Variants in CCNT1 observed in about 807,000 individuals in gnomAD.
The protein encoded by CCNT1 is cyclin T1.
A neutral mutation model predicts 67.3 loss-of-function variants in CCNT1; 18 were observed. The observed-to-expected ratio is 0.27, with a 90% CI of 0.18 to 0.40. CCNT1 has a LOEUF of 0.40. Ranked by LOEUF, CCNT1 falls within the 10% of genes least tolerant of loss-of-function variation. The pLI, the probability that CCNT1 is intolerant of heterozygous loss-of-function variation, is 1.00. For missense variants in CCNT1, 744 were observed against 884.9 expected, an observed-to-expected ratio of 0.84 and a Z score of 2.02; for synonymous variants, 333 against 310.3, an observed-to-expected ratio of 1.07 and a Z score of -0.77.
At chr12:48,697,448 G>A (rs188485767) in intron 6 of CCNT1, among the ~76,000 whole-genome samples, 265 of 150,598 alleles carry the variant, frequency 1.8e-3, no homozygotes, top group Non-Finnish European at 2.6e-3. Flanking sequence ...ACTTGAACCC[G>A]GGAGGCAGAG....
intron 3 of CCNT1, among the ~76,000 whole-genome samples, chr12:48,703,538 A>G (rs1431359020): frequency 1.3e-5 from 2 of 152,042 alleles, no homozygotes; most frequent in South Asian, 4.2e-4. Flanking sequence ...GCACCATTGC[A>G]CTCAATCCTG....
chr12:48,713,018 A>C (rs1460217041), intron 2 of CCNT1, among the ~76,000 whole-genome samples: 14 of 152,202 alleles, frequency 9.2e-5, no homozygotes. Flanking sequence ...AAGTAAATAC[A>C]GTCCTTCCTA....
intron 3 of CCNT1, among the ~76,000 whole-genome samples, chr12:48,703,710 G>A (rs188817334): frequency 3.8e-4 from 58 of 152,188 alleles, no homozygotes; most frequent in Non-Finnish European, 7.8e-4. Flanking sequence ...CAAGGTGGGC[G>A]AATTACTTGA....
In CCNT1 at chr12:48,691,453, G is replaced by C. The variant is rs921592195; in HGVS notation, c.*1580C>G. 6 of 152,146 alleles carry C rather than the reference G, an allele frequency of 3.9e-5. No homozygotes were observed. The East Asian group carries it at 1.2e-3, about 29-fold the overall frequency. 9.4% of individuals were successfully genotyped at this position (152,146 alleles called of 1,614,324 possible). A position where few individuals can be genotyped will look rare whatever the true frequency, so the allele number is the denominator to read the frequency against. The stretch of plus-strand genomic sequence containing the variant: ...TCCAGAGCAAAAAAAATGCAATGAA[G>C]ATCAAAGAATATCTCATTAAATGAT... On this transcript the variant is annotated 3_prime_UTR_variant, in exon 9 of 9. Transcript: ENST00000261900.
At chr12:48,701,991 G>C (rs1010765948) in intron 3 of CCNT1, among the ~76,000 whole-genome samples, 1 of 151,078 alleles carries the variant, frequency 6.6e-6, no homozygotes, top group Non-Finnish European at 1.5e-5. Context: ...CTGCCTCCCA[G>C]GTTCAAGCGA....
chr12:48,702,492 A>G lies in CCNT1; in HGVS notation c.373-1419T>C, dbSNP rs79009863. 5.9e-3 allele frequency among the ~76,000 whole-genome samples: 892 copies of G among 152,372 alleles called. 8 individuals are homozygous for G. Among genetic ancestry groups the G allele is most frequent in the African/African-American group, 0.02 (814 of 41,584 alleles). ...CACTGGATTTTTTAGACAGTTAAAA[A>G]ATAAAGAATGGGCCGGGTGCGGTGG... On this transcript the variant is annotated intron_variant, in intron 3 of 8. Coordinates refer to ENST00000261900, the MANE Select transcript of CCNT1 (RefSeq NM_001240.4).
intron 3 of CCNT1, among the ~76,000 whole-genome samples, chr12:48,705,133 G>A (rs1940334719): frequency 6.6e-6 from 1 of 152,090 alleles, no homozygotes; most frequent in Non-Finnish European, 1.5e-5. Flanking sequence ...TATGTGTTTT[G>A]TTTTTCAGAC....
intron 2 of CCNT1, among the ~76,000 whole-genome samples, chr12:48,711,597 T>C (rs1186654307): frequency 6.6e-6 from 1 of 152,066 alleles, no homozygotes; most frequent in African/African-American, 2.4e-5. Flanking sequence ...CTCTTCAAAT[T>C]TCACTTTTTA....
In CCNT1 at chr12:48,694,222, C is replaced by A. The variant is rs775789988; in HGVS notation, c.992G>T (p.Gly331Val). The A allele has an allele frequency of 1.9e-6, 3 of 1,614,144 alleles. No homozygotes were observed. Among genetic ancestry groups the A allele is most frequent in the Non-Finnish European group, 2.5e-6 (3 of 1,180,010 alleles). ...AGGTTGGGAGGACAGCCAACGCTTG[C>A]CCGGCAACATCTCCACACTGGTTAA... is the stretch of plus-strand genomic sequence containing the variant. ...SNLTSVEMLP[G>V]KRWLSSQPSF... Residue 331 changes from glycine (G) to valine (V), a missense_variant, in exon 9 of 9, where the codon GGC becomes GTC. Physicochemically the swap from Gly to Val is moderately radical, Grantham distance 109 (BLOSUM62 -3). Around this residue, in one of 3 missense-constraint regions of CCNT1, gnomAD observed 564 missense variants for 574.2 expected, o/e 0.98. Transcript: ENST00000261900.
intron 2 of CCNT1, among the ~76,000 whole-genome samples, chr12:48,711,817 G>C (rs1329217758): frequency 1.3e-5 from 2 of 152,172 alleles, no homozygotes; most frequent in Non-Finnish European, 2.9e-5. Flanking sequence ...TTTTGAGACG[G>C]AGTCTCATTC....
At chr12:48,708,715 T>C (rs1940403798) in intron 2 of CCNT1, among the ~76,000 whole-genome samples, 1 of 152,160 alleles carries the variant, frequency 6.6e-6, no homozygotes, top group Non-Finnish European at 1.5e-5. Flanking sequence ...AACAGGATTA[T>C]CTCTTTATTT....
chr12:48,693,112 C>A lies in CCNT1; in HGVS notation c.2102G>T (p.Arg701Ile). Residue 701 changes from arginine (R) to isoleucine (I), a missense_variant, in exon 9 of 9, where the codon AGA becomes ATA. Coordinates refer to ENST00000261900, the MANE Select transcript of CCNT1 (RefSeq NM_001240.4). Reference protein sequence around the residue: ...LNPRSGGISSRSGNTDKPRPP... With the variant: ...LNPRSGGISSISGNTDKPRPP... The stretch of plus-strand genomic sequence containing the variant: ...CCGGGGTTTGTCTGTATTGCCAGAT[C>A]TCGAGGAGATTCCACCAGACCGAGG... The A allele has an allele frequency of 3.1e-6, 5 of 1,613,966 alleles. No homozygotes were observed. Among genetic ancestry groups the A allele is most frequent in the African/African-American group, 1.3e-5 (1 of 74,970 alleles).
rs745526148 is a variant in CCNT1 at position 48,705,773 on chromosome 12, T to G, written c.367A>C (p.Ser123Arg). 1 of 1,608,312 alleles carries G rather than the reference T, an allele frequency of 6.2e-7. No homozygotes were observed. Among genetic ancestry groups the G allele is most frequent in the Non-Finnish European group, 8.5e-7 (1 of 1,178,028 alleles). The change falls in exon 3 of 9, where the codon AGT becomes CGT. Residue 123 changes from serine (S) to arginine (R), a missense_variant. Physicochemically the swap from Ser to Arg is moderately radical, Grantham distance 110. Transcript: ENST00000261900. ...HPQESLPDTR[S>R]EAYLQQVQDL... ...ATGTGTAATTAATCTCCTACCTCAC[T>G]TCTAGTATCAGGAAGGGATTCCTGA...
chr12:48,693,402 G>A lies in CCNT1; in HGVS notation c.1812C>T (p.Phe604=). Residue 604 remains phenylalanine (F), a synonymous_variant, in exon 9 of 9, where the codon TTC becomes TTT. Coordinates refer to ENST00000261900, the MANE Select transcript of CCNT1 (RefSeq NM_001240.4). ...TCTGACCCATTGTAGGAAGTGAAGG[G>A]AAGGAGAAATTTAGGGAAGAGGATT... ...STKSSSLNFS[F]PSLPTMGQMP... 2 of 1,614,230 alleles carry A rather than the reference G, an allele frequency of 1.2e-6. No homozygotes were observed. Among genetic ancestry groups the A allele is most frequent in the Non-Finnish European group, 8.5e-7 (1 of 1,180,044 alleles).
rs1940122598 is a variant in CCNT1, at chr12:48,693,793, G to C, written c.1421C>G (p.Ser474Cys). The C allele has an allele frequency of 6.2e-7, 1 of 1,613,912 alleles. No individual in the cohort carries two copies. Among genetic ancestry groups the C allele is most frequent in the Non-Finnish European group, 8.5e-7 (1 of 1,179,968 alleles). ...CATTTTTATCTCCTCTGGTTTTGAA[G>C]ACGCAGCTTTATCTCCACCTGCCAC... ...IPVAGGDKAA[S>C]SKPEEIKMRI... Residue 474 changes from serine to cysteine, a missense_variant, in exon 9 of 9, where the codon TCT becomes TGT. This residue lies in a region of CCNT1 where 564 missense variants were observed against 574.2 expected (regional missense o/e 0.98). Coordinates refer to ENST00000261900, the MANE Select transcript of CCNT1 (RefSeq NM_001240.4).
intron 3 of CCNT1, among the ~76,000 whole-genome samples, chr12:48,701,614 CTTTTT>C (rs923849978): frequency 1.4e-5 from 2 of 145,946 alleles, no homozygotes; most frequent in Non-Finnish European, 3.0e-5. Flanking sequence ...TTTCTTTTTT[CTTTTT>C]TTTTTGAGTT....
intron 3 of CCNT1, among the ~76,000 whole-genome samples, chr12:48,702,892 G>C (rs1940294193): frequency 6.6e-6 from 1 of 152,128 alleles, no homozygotes; most frequent in African/African-American, 2.4e-5. Flanking sequence ...GGCCAGTATG[G>C]GAGGATTCTT....
chr12:48,700,880 C>A, intron 4 of CCNT1, 133 bp downstream of exon 4: 1 of 562,564 alleles, frequency 1.8e-6, no homozygotes, highest in Non-Finnish European at 3.2e-6. Context: ...AGGTCTACAA[C>A]CTCTATCATC....
chr12:48,703,709 C>T (rs981790434), intron 3 of CCNT1, among the ~76,000 whole-genome samples: 7 of 151,932 alleles, frequency 4.6e-5, no homozygotes, highest in Admixed American at 2.0e-4. Flanking sequence ...CCAAGGTGGG[C>T]GAATTACTTG....
Sources: gnomAD v4.1 joint callset for allele counts (sites outside exome capture counted in the v4.1 genomes callset) on GRCh38, gnomAD v4.1.1 for gene constraint, gnomAD v4.1.1 regional missense constraint, MANE v1.5 for transcripts, NCBI Gene and HGNC (gene_info 2026-07-23, HGNC 2026-07-21) for gene names.